Variants in KIF21B observed in about 807,000 individuals in gnomAD.
The protein encoded by KIF21B is kinesin family member 21B.
In KIF21B, 85 loss-of-function variants were observed where a neutral mutation model predicts 192.9. The observed-to-expected ratio is 0.44, with a 90% CI of 0.37 to 0.53. The LOEUF is 0.53. Ranked by LOEUF, KIF21B falls within the 20% of genes least tolerant of loss-of-function variation. The pLI is 0.00. For synonymous variants in KIF21B, 832 were observed against 884.6 expected (o/e 0.94, Z 1.05); for missense variants, 1,716 against 2,194.8 (o/e 0.78, Z 4.36).
rs1656607844 is a variant in KIF21B at position 200,990,399 on chromosome 1, C to T, written c.2836-67G>A. On this transcript the variant is annotated intron_variant, in intron 19 of 34. Coordinates refer to ENST00000461742, the MANE Select transcript of KIF21B (RefSeq NM_001252102.2). The surrounding 1 kb of genome is among the most constrained non-coding windows in gnomAD (Gnocchi z 5.4). Reference sequence around the variant, plus strand: ...GCCTCAGGTAGCTGCCAAGCCCTGCCCATAGCTTCCACCACAGGCTGGCCT... The same window carrying T: ...GCCTCAGGTAGCTGCCAAGCCCTGCTCATAGCTTCCACCACAGGCTGGCCT... The T allele has an allele frequency of 2.3e-5, 35 of 1,505,608 alleles. No homozygotes were observed. The highest frequency in any genetic ancestry group is 2.1e-4 in the Middle Eastern group (1 of 4,654). 93.3% of individuals were successfully genotyped at this position (1,505,608 alleles called of 1,614,324 possible). A position where few individuals can be genotyped will look rare whatever the true frequency, so the allele number is the denominator to read the frequency against.
rs117678521 is a variant in KIF21B at position 200,980,438 on chromosome 1, C to T, written c.3979+522G>A. 4.0e-4 allele frequency among the ~76,000 whole-genome samples: 61 copies of T among 152,316 alleles called. No individual in the cohort carries two copies. In the East Asian group the frequency reaches 0.01, roughly 25 times the overall value. On this transcript the variant is annotated intron_variant, in intron 29 of 34. Coordinates refer to ENST00000461742, the MANE Select transcript of KIF21B (RefSeq NM_001252102.2). ...ACTAATTTTTTATTTTTTGTAGAGA[C>T]AGGATCTCACTATTTGCCCACGCAG...
chr1:201,010,715 C>T (rs1263493714), intron 1 of KIF21B, among the ~76,000 whole-genome samples: 1 of 152,338 alleles, frequency 6.6e-6, no homozygotes, highest in East Asian at 1.9e-4. Context: ...CAGCACCCAT[C>T]CTGGGCCCAG....
Position 200,998,662 on chromosome 1 carries a change from C to T in KIF21B, c.1886-87G>A. The T allele has an allele frequency of 1.6e-6, 2 of 1,243,220 alleles. No individual in the cohort carries two copies. Among genetic ancestry groups the T allele is most frequent in the East Asian group, 2.4e-5 (1 of 42,312 alleles). The allele number at this position is 1,243,220 out of a possible 1,614,324, so 77.0% of individuals were successfully genotyped here. A position where few individuals can be genotyped will look rare whatever the true frequency, so the allele number is the denominator to read the frequency against. ...GTGCCAGTGCTGGGGAGCTGGGACC[C>T]TCCTTTGGTCAGCCATGACCAATCA... is the stretch of plus-strand genomic sequence containing the variant. On this transcript the variant is annotated intron_variant, in intron 13 of 34. Transcript: ENST00000461742. This position sits in a 1 kb window ranked among gnomAD's most constrained non-coding sequence, Gnocchi z 4.3.
chr1:200,973,813 TGGGGGGG>T, intron 34 of KIF21B: 1 of 1,430,480 alleles, frequency 7.0e-7, no homozygotes, highest in Non-Finnish European at 9.1e-7. Flanking sequence ...TTTCTTTTTT[TGGGGGGG>T]TGTTTCGTTT....
Position 200,988,929 on chromosome 1 carries a change from C to T in KIF21B, c.3135G>A (p.Gly1045=), listed in dbSNP as rs763331252. ...GGGCTTCCTTTTGTGCCACTTGCAG[C>T]CCCTGGGGGCAGGGAACAAAGCCTG... is the stretch of plus-strand genomic sequence containing the variant. ...DNFLKASIDK[G]LQVAQKEAQI... is the part of the protein sequence containing the mutation. The change falls in exon 22 of 35, where the codon GGG becomes GGA. Residue 1045 remains glycine, a splice_region_variant and synonymous_variant. Transcript: ENST00000461742. 4 of 1,608,090 alleles carry T rather than the reference C, an allele frequency of 2.5e-6. No homozygotes were observed. In the African/African-American group the frequency reaches 4.0e-5, roughly 16 times the overall value.
At chr1:200,991,840 G>A (rs1656722045) in intron 16 of KIF21B, 115 bp from the exon 17 acceptor site, 9 of 1,060,694 alleles carry the variant, frequency 8.5e-6, no homozygotes, top group African/African-American at 1.6e-5. Context: ...TGATTCTCAT[G>A]CAGCCAAACT....
chr1:201,003,112 C>T (rs1571952575), intron 8 of KIF21B: 1 of 171,158 alleles, frequency 5.8e-6, no homozygotes, highest in Admixed American at 5.5e-5. Context: ...ATAAAAGGCC[C>T]CTTTTTCCAT....
At chr1:201,015,849 G>T (rs1259211770) in intron 1 of KIF21B, among the ~76,000 whole-genome samples, 1 of 152,256 alleles carries the variant, frequency 6.6e-6, no homozygotes, top group Non-Finnish European at 1.5e-5. Context: ...CTGCAAAGAT[G>T]ATTAAGCCTG....
intron 26 of KIF21B, 134 bp downstream of exon 26, chr1:200,986,710 T>C (rs996184614): frequency 2.6e-6 from 2 of 762,808 alleles, no homozygotes; most frequent in Non-Finnish European, 4.3e-6. Context: ...TGGGTGAACC[T>C]GAATGGCTCA....
In KIF21B at chr1:201,000,520, C is replaced by T; in HGVS notation, c.1555G>A (p.Ala519Thr). 6.2e-7 allele frequency: 1 copy of T among 1,612,052 alleles called. No individual in the cohort carries two copies. Among genetic ancestry groups the T allele is most frequent in the Non-Finnish European group, 8.5e-7 (1 of 1,178,814 alleles). The stretch of plus-strand genomic sequence containing the variant: ...CCGAAGGCCGGGGCGGCTGGAGAAG[C>T]ACCCAGGGAGTAGGGGCTCCTAGCC... The part of the protein sequence containing the change: ...ASARSPYSLG[A>T]SPAAPAFGGS... The change falls in exon 11 of 35, where the codon GCT (alanine) becomes ACT (threonine). Residue 519 changes from alanine (A) to threonine (T), a missense_variant. This residue lies in a region of KIF21B where 1,087 missense variants were observed against 1,316.6 expected (regional missense o/e 0.83). Transcript: ENST00000461742. This position sits in a 1 kb window ranked among gnomAD's most constrained non-coding sequence, Gnocchi z 6.0.
In KIF21B at chr1:201,000,185, T is replaced by C. The variant is rs888161645; in HGVS notation, c.1685+205A>G. ...TCTCCTTGGGGGAAAGCAGATGGCA[T>C]AGGAGAACGTGGGGGAGGGAGGTTG... On this transcript the variant is annotated intron_variant, in intron 11 of 34. Transcript: ENST00000461742. This position sits in a 1 kb window ranked among gnomAD's most constrained non-coding sequence, Gnocchi z 6.0. Among the ~76,000 whole-genome samples the C allele has an allele frequency of 2.0e-5, 3 of 152,132 alleles. No homozygotes were observed. Among genetic ancestry groups the C allele is most frequent in the Non-Finnish European group, 4.4e-5 (3 of 68,014 alleles).
intron 1 of KIF21B, among the ~76,000 whole-genome samples, chr1:201,022,951 G>A (rs936689556): frequency 6.6e-6 from 1 of 152,258 alleles, no homozygotes; most frequent in African/African-American, 2.4e-5. Flanking sequence ...GACTCGCATG[G>A]ATGAGGGGAA....
rs76935939 is a variant in KIF21B, at chr1:200,998,130, G to A, written c.2077+254C>T. On this transcript the variant is annotated intron_variant, in intron 14 of 34. Coordinates refer to ENST00000461742, the MANE Select transcript of KIF21B (RefSeq NM_001252102.2). The surrounding 1 kb of genome is among the most constrained non-coding windows in gnomAD (Gnocchi z 4.3). ...GAAAGGCTGGGAGTGTCATGTTCGC[G>A]TGCCTAGGTATATAAAGAATTCTAA... Among the ~76,000 whole-genome samples the A allele has an allele frequency of 4.4e-3, 663 of 152,326 alleles. 1 individual carries two copies. Among genetic ancestry groups the A allele is most frequent in the Middle Eastern group, 0.014 (4 of 294 alleles).
At chr1:200,979,752 G>C (rs1211786216) in intron 29 of KIF21B, 37 bp from the exon 30 acceptor site, 3 of 1,477,710 alleles carry the variant, frequency 2.0e-6, no homozygotes, top group African/African-American at 2.9e-5. Context: ...GGAGGGGAGG[G>C]ATGTCAGCCA....
At chr1:201,022,775 G>A (rs939906767) in intron 1 of KIF21B, among the ~76,000 whole-genome samples, 38 of 152,178 alleles carry the variant, frequency 2.5e-4, no homozygotes, top group Non-Finnish European at 4.6e-4. Context: ...CTCCTCTTGG[G>A]ACAGGACTGG....
intron 1 of KIF21B, among the ~76,000 whole-genome samples, chr1:201,011,552 A>C (rs1166667843): frequency 6.6e-6 from 1 of 152,228 alleles, no homozygotes; most frequent in Non-Finnish European, 1.5e-5. Flanking sequence ...CATCTCATAT[A>C]TGCAGGGAGA....
At chr1:201,021,322 C>T (rs1396208508) in intron 1 of KIF21B, among the ~76,000 whole-genome samples, 1 of 152,252 alleles carries the variant, frequency 6.6e-6, no homozygotes, top group Non-Finnish European at 1.5e-5. Flanking sequence ...CGGGGCTGGG[C>T]GCTCATGCTG....
At chr1:200,996,466 G>C in intron 14 of KIF21B, 71 bp from the exon 15 acceptor site, 1 of 1,364,428 alleles carries the variant, frequency 7.3e-7, no homozygotes, top group Non-Finnish European at 1.0e-6. Context: ...GGTCATCAAG[G>C]GGGAACGCAG....
At chr1:200,973,886 G>A in intron 34 of KIF21B, 1 of 1,468,524 alleles carries the variant, frequency 6.8e-7, no homozygotes, top group Non-Finnish European at 9.0e-7. Context: ...CCTGGGGCCT[G>A]TCCCACTGTT....
Sources: allele counts gnomAD v4.1 joint callset (sites outside exome capture counted in the v4.1 genomes callset), GRCh38; gene constraint gnomAD v4.1.1; regional missense constraint gnomAD v4.1.1; non-coding constraint Gnocchi (gnomAD v3.1); transcripts MANE v1.5; gene names NCBI Gene and HGNC (gene_info 2026-07-23, HGNC 2026-07-21).